Variants in HEATR6 observed in about 807,000 individuals in gnomAD.
HEATR6 encodes HEAT repeat containing 6.
HEATR6 carries 106 observed loss-of-function variants against 132.8 expected under a neutral mutation model. The ratio of observed to expected loss-of-function variants is 0.80; its 90% CI spans 0.68 to 0.94. The LOEUF (loss-of-function observed/expected upper bound fraction) is 0.94, where lower values mean the gene tolerates loss of function less well. HEATR6 is among the 40% of genes least tolerant of loss of function. The pLI is 0.00. For missense variants in HEATR6, 1,339 were observed against 1,425.1 expected (o/e 0.94, Z 0.97); for synonymous variants, 529 against 537.8 (o/e 0.98, Z 0.23).
chr17:60,072,236 C>T lies in HEATR6; in HGVS notation c.678G>A (p.Met226Ile). ...TTACCATGCAAAATGTGATATCATC[C>T]ATATCAGATGATTTTGGAGACTGTA... ...TILQSPKSSD[M>I]DDITFCMLLQ... The change falls in exon 5 of 20, where the codon ATG becomes ATA. Residue 226 changes from methionine to isoleucine, a missense_variant. Transcript: ENST00000184956. The T allele has an allele frequency of 6.3e-7, 1 of 1,576,364 alleles. No individual in the cohort carries two copies. The highest frequency in any genetic ancestry group is 8.7e-7 in the Non-Finnish European group (1 of 1,148,044).
chr17:60,055,307 T>C (rs1906707209), intron 14 of HEATR6, among the ~76,000 whole-genome samples: 1 of 152,226 alleles, frequency 6.6e-6, no homozygotes, highest in African/African-American at 2.4e-5. Flanking sequence ...TTATATGTTA[T>C]ACATAAGCCT....
In HEATR6 at chr17:60,056,211, G is replaced by C; in HGVS notation, c.2106C>G (p.Tyr702Ter). 3.7e-6 allele frequency: 6 copies of C among 1,614,000 alleles called. No individual in the cohort carries two copies. The highest frequency in any genetic ancestry group is 5.1e-6 in the Non-Finnish European group (6 of 1,179,958). Reference protein sequence around the residue: ...LQVLTLLARGYFSMTQAYLME... With the variant: ...LQVLTLLARG The stretch of plus-strand genomic sequence containing the variant: ...TCAAGTAGGCTTGAGTCATTGAAAA[G>C]TAGCCCCTTGCCAGAAGAGTCAATA... The change falls in exon 13 of 20, where the codon TAC becomes TAG. Residue 702 changes from tyrosine (Y) to a stop codon, truncating the protein, a stop_gained. Coordinates refer to ENST00000184956, the MANE Select transcript of HEATR6 (RefSeq NM_022070.5). LOFTEE classifies it high-confidence loss of function.
chr17:60,062,845 G>A (rs2083219339), intron 9 of HEATR6, among the ~76,000 whole-genome samples: 1 of 152,142 alleles, frequency 6.6e-6, no homozygotes, highest in Non-Finnish European at 1.5e-5. Flanking sequence ...CATGGGGGCT[G>A]GTCTTCCCCC....
chr17:60,070,445 T>C (rs916838293), intron 6 of HEATR6, among the ~76,000 whole-genome samples: 2 of 152,176 alleles, frequency 1.3e-5, no homozygotes, highest in Non-Finnish European at 2.9e-5. Context: ...AATTAAATAT[T>C]CTATAGGTCA....
rs750006404 is a variant in HEATR6 at position 60,041,929 on chromosome 17, T to G, written c.*1634A>C. Among the ~76,000 whole-genome samples the G allele has an allele frequency of 5.9e-5, 9 of 152,244 alleles. No individual in the cohort carries two copies. The highest frequency in any genetic ancestry group is 1.2e-4 in the Non-Finnish European group (8 of 68,038). ...AGTATGGACAACTGTAATTGGTTCT[T>G]ATATATCCCTAAATTCCTAATTGAA... On this transcript the variant is annotated 3_prime_UTR_variant, in exon 20 of 20. Transcript: ENST00000184956.
intron 2 of HEATR6, 152 bp downstream of exon 2, chr17:60,075,978 T>C: frequency 1.9e-6 from 1 of 513,114 alleles, no homozygotes; most frequent in Non-Finnish European, 3.4e-6. Context: ...CAGAGTTATA[T>C]TTGCTTTAAA....
In HEATR6 at chr17:60,049,685, C is replaced by T; in HGVS notation, c.2442G>A (p.Leu814=). ...TCAGCCCGAGCAGCACTGTGATGCA[C>T]AGCATCTGCCTGTCATTCTGCAATG... The part of the protein sequence containing the change: ...FSNLPNDRQM[L]CITVLLGLND... Residue 814 remains leucine, a synonymous_variant, in exon 16 of 20, where the codon CTG becomes CTA. Coordinates refer to ENST00000184956, the MANE Select transcript of HEATR6 (RefSeq NM_022070.5). 1 of 1,613,376 alleles carries T rather than the reference C, an allele frequency of 6.2e-7. No homozygotes were observed. Among genetic ancestry groups the T allele is most frequent in the Non-Finnish European group, 8.5e-7 (1 of 1,179,594 alleles).
intron 9 of HEATR6, among the ~76,000 whole-genome samples, chr17:60,060,824 T>C (rs866045116): frequency 6.6e-6 from 1 of 152,138 alleles, no homozygotes; most frequent in South Asian, 2.1e-4. Flanking sequence ...AGTGACAGTA[T>C]TTGACAATTC....
In HEATR6 at chr17:60,066,404, A is replaced by G; in HGVS notation, c.1239-18T>C. 1.3e-6 allele frequency: 2 copies of G among 1,536,706 alleles called. No homozygotes were observed. Among genetic ancestry groups the G allele is most frequent in the East Asian group, 4.6e-5 (2 of 43,680 alleles). On this transcript the variant is annotated intron_variant, in intron 8 of 19. Transcript: ENST00000184956. ...GGTAAGACCTTTCATAACCAAGAGAAAAAAGAAAAAACACTTAAAAAATCA... is the reference window on the plus strand; with the variant it reads ...GGTAAGACCTTTCATAACCAAGAGAGAAAAGAAAAAACACTTAAAAAATCA...
chr17:60,055,189 C>T (rs1011155873), intron 14 of HEATR6, among the ~76,000 whole-genome samples: 1 of 152,156 alleles, frequency 6.6e-6, no homozygotes, highest in Non-Finnish European at 1.5e-5. Context: ...GAGGTAGATG[C>T]TGGCACCATG....
At chr17:60,051,931 C>T (rs900134341) in intron 14 of HEATR6, among the ~76,000 whole-genome samples, 9 of 152,132 alleles carry the variant, frequency 5.9e-5, no homozygotes, top group Non-Finnish European at 1.2e-4. Context: ...TTGTGTAGTC[C>T]CCTCCCATAC....
chr17:60,074,132 T>G, intron 2 of HEATR6: 1 of 1,215,458 alleles, frequency 8.2e-7, no homozygotes, highest in Non-Finnish European at 1.0e-6. Context: ...CCTTGTAACT[T>G]TTCCTTGAAC....
chr17:60,049,122 A>AGTGTGTGTGTGTGTGTGTGTGT lies in HEATR6; in HGVS notation c.2547+436_2547+457dup, dbSNP rs531092208. Among the ~76,000 whole-genome samples, 216 of 134,838 alleles carry AGTGTGTGTGTGTGTGTGTGTGT rather than the reference A, an allele frequency of 1.6e-3. 1 individual carries two copies. Among genetic ancestry groups the AGTGTGTGTGTGTGTGTGTGTGT allele is most frequent in the African/African-American group, 5.6e-3 (204 of 36,162 alleles). 88.5% of individuals were successfully genotyped at this position (134,838 alleles called of 152,430 possible). ...TATGTAGAGAGAGAGAGAGACAGAGAGTGTGTGTGTGTGTGTGTGTGTGTG... is the reference window on the plus strand; with the variant it reads ...TATGTAGAGAGAGAGAGAGACAGAGAGTGTGTGTGTGTGTGTGTGTGTGTGTGTGTGTGTGTGTGTGTGTGTG... On this transcript the variant is annotated intron_variant, in intron 16 of 19. Transcript: ENST00000184956.
rs557065433 is a variant in HEATR6, at chr17:60,047,193, A to T, written c.2769+116T>A. 1.4e-4 allele frequency: 86 copies of T among 631,108 alleles called. No individual in the cohort carries two copies. The South Asian group carries it at 1.9e-3, about 14-fold the overall frequency. 39.1% of individuals were successfully genotyped at this position (631,108 alleles called of 1,614,324 possible). A position where few individuals can be genotyped will look rare whatever the true frequency, so the allele number is the denominator to read the frequency against. Reference sequence around the variant, plus strand: ...AGCACACCCTCAGTCTCTTTTGAACAGGAGTACATTTGGTGGGACAGTCTG... The same window carrying T: ...AGCACACCCTCAGTCTCTTTTGAACTGGAGTACATTTGGTGGGACAGTCTG... On this transcript the variant is annotated intron_variant, in intron 18 of 19. Transcript: ENST00000184956.
At chr17:60,078,599 C>G in intron 1 of HEATR6, 97 bp downstream of exon 1, 1 of 923,442 alleles carries the variant, frequency 1.1e-6, no homozygotes, top group South Asian at 1.6e-5. Flanking sequence ...TCATCAGGCG[C>G]GAGAGTGGGA....
intron 15 of HEATR6, among the ~76,000 whole-genome samples, chr17:60,049,926 T>TTTA (rs1013734133): frequency 9.9e-5 from 15 of 152,230 alleles, no homozygotes; most frequent in Non-Finnish European, 2.1e-4. Flanking sequence ...ACATTTAACC[T>TTTA]TTATTAAAGT....
intron 16 of HEATR6, among the ~76,000 whole-genome samples, chr17:60,048,961 A>AAAAAT (rs1555666864): frequency 1.9e-5 from 2 of 103,034 alleles, no homozygotes; most frequent in African/African-American, 1.4e-4. Context: ...TTAAAAATTA[A>AAAAAT]AAATAAATAA....
At chr17:60,054,676 G>GT (rs1291379428) in intron 14 of HEATR6, among the ~76,000 whole-genome samples, 1 of 152,218 alleles carries the variant, frequency 6.6e-6, no homozygotes, top group African/African-American at 2.4e-5. Context: ...GAATGGGACT[G>GT]TTTACCCAAT....
At chr17:60,060,285 T>C (rs1000233488) in intron 9 of HEATR6, among the ~76,000 whole-genome samples, 189 bp from the exon 10 acceptor site, 1 of 152,204 alleles carries the variant, frequency 6.6e-6, no homozygotes, top group East Asian at 1.9e-4. Context: ...ATCTTTATTT[T>C]ATTTTTATTT....
Sources: allele counts gnomAD v4.1 joint callset (sites outside exome capture counted in the v4.1 genomes callset), GRCh38; gene constraint gnomAD v4.1.1; transcripts MANE v1.5; gene names NCBI Gene and HGNC (gene_info 2026-07-23, HGNC 2026-07-21).